The following IQANK1 variants were observed in gnomAD, a reference collection of about 807,000 sequenced individuals.
The protein encoded by IQANK1 is IQ motif and ankyrin repeat containing 1.
IQANK1 carries 30 observed loss-of-function variants against 22.6 expected under a neutral mutation model. That is an observed-to-expected ratio of 1.33 (90% CI 0.99 to 1.80). The LOEUF (loss-of-function observed/expected upper bound fraction) is 1.80. Among genes scored for constraint, IQANK1 ranks in the 40% most tolerant of loss-of-function variants. The probability of loss-of-function intolerance (pLI) is 0.00; values close to 1 mark genes in which losing one functional copy is unlikely to be tolerated. For missense variants in IQANK1, 275 were observed against 235.2 expected (o/e 1.17, Z -1.11); for synonymous variants, 122 against 99.6 (o/e 1.23, Z -1.34).
At position 143,772,107 on chromosome 8, in the gene IQANK1, G is replaced by A. The variant is rs901320597; in HGVS notation, c.527G>A (p.Arg176Gln). 17 of 396,038 alleles carry A rather than the reference G, an allele frequency of 4.3e-5. No homozygotes were observed. Among genetic ancestry groups the A allele is most frequent in the African/African-American group, 1.2e-4 (6 of 48,476 alleles). The allele number at this position is 396,038 out of a possible 1,614,324, so 24.5% of individuals were successfully genotyped here. The change falls in exon 6 of 14, where the codon CGG (arginine) becomes CAG (glutamine). Residue 176 changes from arginine to glutamine, a missense_variant. Transcript: ENST00000527139. ...GVGHDEAGEARRLQRRVALAE... is the reference protein window; with the variant it reads ...GVGHDEAGEAQRLQRRVALAE... ...GGCCACGACGAGGCAGGCGAGGCGC[G>A]GCGGCTGCAGCGACGCGTGGCTCTG...
At chr8:143,736,994 C>G (rs1554625770) in intron 2 of IQANK1, among the ~76,000 whole-genome samples, 1 of 152,166 alleles carries the variant, frequency 6.6e-6, no homozygotes, top group South Asian at 2.1e-4. Context: ...TGGCCTAACA[C>G]CCCTGGTTGC....
At chr8:143,748,573 A>G (rs1196085343) in intron 3 of IQANK1, among the ~76,000 whole-genome samples, 1 of 134,298 alleles carries the variant, frequency 7.4e-6, no homozygotes, top group Non-Finnish European at 1.5e-5. Context: ...TATCATATAT[A>G]ATATATAAAT....
chr8:143,748,807 C>CATATAAATATATAAATATATATATCAT (rs1819101551), intron 3 of IQANK1, among the ~76,000 whole-genome samples: 3 of 40,136 alleles, frequency 7.5e-5, no homozygotes, highest in Non-Finnish European at 1.1e-4. Context: ...AAATATATAT[C>CATATAAATATATAAATATATATATCAT]ATATAAATAT....
intron 3 of IQANK1, among the ~76,000 whole-genome samples, chr8:143,746,839 T>G (rs1819041602): frequency 6.6e-6 from 1 of 152,198 alleles, no homozygotes; most frequent in Admixed American, 6.5e-5. Flanking sequence ...ATATAATTGT[T>G]CAGAGTACTC....
intron 3 of IQANK1, among the ~76,000 whole-genome samples, chr8:143,748,206 A>G (rs1292291085): frequency 6.6e-6 from 1 of 151,124 alleles, no homozygotes; most frequent in African/African-American, 2.4e-5. Context: ...TGTTGCCCAG[A>G]GTGGTCTTGA....
chr8:143,777,532 A>C (rs1188369951), intron 7 of IQANK1, among the ~76,000 whole-genome samples: 5 of 150,918 alleles, frequency 3.3e-5, no homozygotes, highest in Admixed American at 2.0e-4. Context: ...AAAAAAAAAA[A>C]AAAAAAACAA....
At chr8:143,749,352 TATATAA>T (rs1563770832) in intron 3 of IQANK1, among the ~76,000 whole-genome samples, 1 of 83,788 alleles carries the variant, frequency 1.2e-5, no homozygotes, top group African/African-American at 4.4e-5. Context: ...AAAACATAAA[TATATAA>T]AAATATATAA....
intron 7 of IQANK1, among the ~76,000 whole-genome samples, chr8:143,785,878 C>T (rs529931206): frequency 6.6e-6 from 1 of 152,176 alleles, no homozygotes; most frequent in African/African-American, 2.4e-5. Context: ...AGGCACGCAC[C>T]ACCACACCTG....
intron 3 of IQANK1, among the ~76,000 whole-genome samples, chr8:143,768,945 G>A (rs890498722): frequency 2.0e-5 from 3 of 151,974 alleles, no homozygotes; most frequent in African/African-American, 4.8e-5. Flanking sequence ...ATTTTATTTC[G>A]TGAAGGTTGT....
Position 143,771,825 on chromosome 8 carries a change from G to C in IQANK1, c.331G>C (p.Glu111Gln). Residue 111 changes from glutamate to glutamine, a missense_variant, in exon 5 of 14, where the codon GAG becomes CAG. Glu to Gln is a conservative substitution (Grantham distance 29). Coordinates refer to ENST00000527139, the MANE Select transcript of IQANK1 (RefSeq NM_001381874.1). The surrounding 1 kb of genome is among the most constrained non-coding windows in gnomAD (Gnocchi z 6.0). ...KEAYLAPVRR[E>Q]QEAARRLREQ... is the part of the protein sequence containing the mutation. ...GGCCTACCTGGCTCCGGTGCGCCGG[G>C]AGCAGGAGGCCGCGCGGCGGCTGCG... 2.5e-6 allele frequency: 1 copy of C among 396,006 alleles called. No homozygotes were observed. The highest frequency in any genetic ancestry group is 4.5e-6 in the Non-Finnish European group (1 of 224,384). The allele number at this position is 396,006 out of a possible 1,614,324, so 24.5% of individuals were successfully genotyped here.
At chr8:143,779,739 A>G (rs1819759040) in intron 7 of IQANK1, among the ~76,000 whole-genome samples, 1 of 152,236 alleles carries the variant, frequency 6.6e-6, no homozygotes, top group Non-Finnish European at 1.5e-5. Context: ...CCATATATTC[A>G]GAAATGGGAC....
intron 7 of IQANK1, among the ~76,000 whole-genome samples, chr8:143,781,974 C>G (rs1419649155): frequency 1.3e-5 from 2 of 152,082 alleles, no homozygotes; most frequent in African/African-American, 2.4e-5. Context: ...CTGTTTGTGC[C>G]TTTTCTGATT....
chr8:143,761,333 G>C (rs1253795483), intron 3 of IQANK1, among the ~76,000 whole-genome samples: 1 of 152,238 alleles, frequency 6.6e-6, no homozygotes, highest in East Asian at 1.9e-4. Flanking sequence ...CCGGCCCCGG[G>C]AAGCTGCGCG....
chr8:143,759,253 T>A, intron 3 of IQANK1: 1 of 175,290 alleles, frequency 5.7e-6, no homozygotes. Flanking sequence ...AGCAAATCCC[T>A]CCTCTCGCAA....
chr8:143,790,044 C>T lies in IQANK1; in HGVS notation c.1269C>T (p.Asn423=). 8.1e-7 allele frequency: 1 copy of T among 1,232,150 alleles called. No individual in the cohort carries two copies. The highest frequency in any genetic ancestry group is 1.0e-6 in the Non-Finnish European group (1 of 988,034). 76.3% of individuals were successfully genotyped at this position (1,232,150 alleles called of 1,614,324 possible). A position where few individuals can be genotyped will look rare whatever the true frequency, so the allele number is the denominator to read the frequency against. Residue 423 remains asparagine, a synonymous_variant, in exon 12 of 14, where the codon AAC becomes AAT. Coordinates refer to ENST00000527139, the MANE Select transcript of IQANK1 (RefSeq NM_001381874.1). The part of the protein sequence containing the change: ...LHDVLMKDVG[N]RIRADGRWPL... ...ATGTGCTGATGAAAGATGTAGGCAACCGCATCCGTGCCGATGGCCGGTCAG... is the reference window on the plus strand; with the variant it reads ...ATGTGCTGATGAAAGATGTAGGCAATCGCATCCGTGCCGATGGCCGGTCAG...
At chr8:143,761,522 C>A (rs1365701251) in intron 3 of IQANK1, among the ~76,000 whole-genome samples, 1 of 152,226 alleles carries the variant, frequency 6.6e-6, no homozygotes, top group African/African-American at 2.4e-5. Context: ...GTAATCCCAG[C>A]ACTTTAGGAG....
Position 143,771,927 on chromosome 8 carries a change from G to C in IQANK1, c.433G>C (p.Asp145His), listed in dbSNP as rs1269022995. The C allele has an allele frequency of 2.6e-6, 1 of 388,446 alleles. No individual in the cohort carries two copies. The highest frequency in any genetic ancestry group is 4.5e-6 in the Non-Finnish European group (1 of 220,522). 24.1% of individuals were successfully genotyped at this position (388,446 alleles called of 1,614,324 possible). Residue 145 changes from aspartate (D) to histidine (H), a missense_variant, in exon 5 of 14, where the codon GAC becomes CAC. Transcript: ENST00000527139. This position sits in a 1 kb window ranked among gnomAD's most constrained non-coding sequence, Gnocchi z 6.0. ...CCGCCGCCTGCTGGACGCCGCCTTC[G>C]ACGGGGACGTGGGCGAGATCCGGGC... ...RRRRLLDAAF[D>H]GDVGEIRAVL...
intron 7 of IQANK1, among the ~76,000 whole-genome samples, chr8:143,773,927 T>A (rs1351207071): frequency 6.6e-6 from 1 of 151,984 alleles, no homozygotes; most frequent in Non-Finnish European, 1.5e-5. Context: ...GGGCAGCAGC[T>A]GGGGGTGCTG....
At chr8:143,789,362 G>A in intron 9 of IQANK1, 74 bp from the exon 10 acceptor site, 2 of 793,778 alleles carry the variant, frequency 2.5e-6, no homozygotes, top group Non-Finnish European at 3.4e-6. Context: ...GTGTCCTCAG[G>A]CCCCTGGGCC....
Sources: gnomAD v4.1 joint callset for allele counts (sites outside exome capture counted in the v4.1 genomes callset) on GRCh38, gnomAD v4.1.1 for gene constraint, Gnocchi (gnomAD v3.1) non-coding constraint, MANE v1.5 for transcripts, NCBI Gene and HGNC (gene_info 2026-07-23, HGNC 2026-07-21) for gene names.